The following SRPK2 variants were observed in gnomAD, a reference collection of about 807,000 sequenced individuals.
SRPK2 encodes the protein SFRS protein kinase 2.
SRPK2 carries 21 observed loss-of-function variants against 90.8 expected under a neutral mutation model. That is an observed-to-expected ratio of 0.23 (90% CI 0.16 to 0.33). The LOEUF is 0.33. Among genes scored for constraint, SRPK2 ranks in the 10% least tolerant of loss-of-function variants. The probability of loss-of-function intolerance (pLI) is 1.00; values close to 1 mark genes in which losing one functional copy is unlikely to be tolerated. For synonymous variants in SRPK2, 288 were observed against 311.1 expected, an observed-to-expected ratio of 0.93 and a Z score of 0.78; for missense variants, 620 against 869.0, an observed-to-expected ratio of 0.71 and a Z score of 3.60.
At chr7:105,324,331 C>T (rs937693464) in intron 2 of SRPK2, among the ~76,000 whole-genome samples, 3 of 146,698 alleles carry the variant, frequency 2.0e-5, no homozygotes, top group African/African-American at 5.0e-5. Flanking sequence ...TCCCTTCTTT[C>T]TTTTTTTTTG....
intron 2 of SRPK2, among the ~76,000 whole-genome samples, chr7:105,373,103 G>A (rs73188305): frequency 0.18 from 27,325 of 151,874 alleles, 3,127 homozygotes; most frequent in East Asian, 0.59. Flanking sequence ...AAAAATCTGT[G>A]GGTCCTATTG....
At chr7:105,164,890 A>C (rs1341800234) in intron 6 of SRPK2, among the ~76,000 whole-genome samples, 1 of 152,170 alleles carries the variant, frequency 6.6e-6, no homozygotes, top group Non-Finnish European at 1.5e-5. Flanking sequence ...AAAAATCTGA[A>C]AGAAGCCAGA....
At chr7:105,125,971 G>T in intron 15 of SRPK2, 1 of 702,702 alleles carries the variant, frequency 1.4e-6, no homozygotes, top group Non-Finnish European at 2.3e-6. Flanking sequence ...GACAGAAACA[G>T]AGCGCAACTT....
intron 6 of SRPK2, among the ~76,000 whole-genome samples, chr7:105,161,093 T>C (rs551927540): frequency 6.6e-6 from 1 of 152,162 alleles, no homozygotes; most frequent in South Asian, 2.1e-4. Context: ...GCTCGGCTAA[T>C]TTTTTGTAAT....
intron 2 of SRPK2, among the ~76,000 whole-genome samples, chr7:105,282,400 C>T (rs529504679): frequency 6.6e-6 from 1 of 152,146 alleles, no homozygotes; most frequent in South Asian, 2.1e-4. Flanking sequence ...TCTTCATAAC[C>T]TTAGAAGAGG....
At chr7:105,200,822 T>C (rs10216291) in intron 3 of SRPK2, among the ~76,000 whole-genome samples, 216 of 152,194 alleles carry the variant, frequency 1.4e-3, no homozygotes, top group African/African-American at 4.9e-3. Flanking sequence ...TGTTCCAAAT[T>C]AAAAGAAATT....
chr7:105,126,884 T>G, intron 14 of SRPK2, 109 bp downstream of exon 14: 2 of 1,145,136 alleles, frequency 1.7e-6, no homozygotes, highest in Non-Finnish European at 2.5e-6. Context: ...ATTTGGTGTT[T>G]GAAAACCAAA....
chr7:105,227,571 T>G (rs968077009), intron 2 of SRPK2, among the ~76,000 whole-genome samples: 3 of 152,122 alleles, frequency 2.0e-5, no homozygotes, highest in Non-Finnish European at 2.9e-5. Context: ...AGTAAAAGGA[T>G]GCTAACAAGT....
intron 2 of SRPK2, among the ~76,000 whole-genome samples, chr7:105,256,949 T>C (rs1295385135): frequency 6.6e-6 from 1 of 152,252 alleles, no homozygotes; most frequent in East Asian, 1.9e-4. Flanking sequence ...ATTAGTTATG[T>C]GCAATTCTTT....
At chr7:105,200,069 A>G (rs1795361994) in intron 3 of SRPK2, among the ~76,000 whole-genome samples, 1 of 152,188 alleles carries the variant, frequency 6.6e-6, no homozygotes, top group African/African-American at 2.4e-5. Flanking sequence ...TGGGAGGCTG[A>G]GGCAGGAGAA....
intron 2 of SRPK2, among the ~76,000 whole-genome samples, chr7:105,220,832 C>T (rs1585225931): frequency 6.6e-6 from 1 of 152,004 alleles, no homozygotes; most frequent in East Asian, 1.9e-4. Flanking sequence ...GTTTCAGAAG[C>T]CATCTTGAAT....
chr7:105,352,202 A>G (rs1313901041), intron 2 of SRPK2, among the ~76,000 whole-genome samples: 1 of 152,130 alleles, frequency 6.6e-6, no homozygotes, highest in Non-Finnish European at 1.5e-5. Context: ...AAATTACTTA[A>G]TTTGCATCTC....
intron 2 of SRPK2, among the ~76,000 whole-genome samples, chr7:105,228,117 C>T (rs1332884947): frequency 6.6e-6 from 1 of 152,170 alleles, no homozygotes; most frequent in Admixed American, 6.5e-5. Flanking sequence ...TCTTGGCTCA[C>T]TGCAACCTCC....
At chr7:105,202,102 T>G (rs1795637689) in intron 3 of SRPK2, among the ~76,000 whole-genome samples, 1 of 152,210 alleles carries the variant, frequency 6.6e-6, no homozygotes, top group South Asian at 2.1e-4. Context: ...CTAAGTAAGA[T>G]CTACACTCTT....
intron 2 of SRPK2, among the ~76,000 whole-genome samples, chr7:105,350,520 AT>A (rs1292529651): frequency 7.9e-6 from 1 of 126,902 alleles, no homozygotes. Context: ...GGTTGCTACA[AT>A]TTTTTTTCTT....
At chr7:105,256,366 T>C (rs2129633544) in intron 2 of SRPK2, among the ~76,000 whole-genome samples, 1 of 152,300 alleles carries the variant, frequency 6.6e-6, no homozygotes, top group Non-Finnish European at 1.5e-5. Flanking sequence ...CGTATGTATG[T>C]ATTTTTAGAG....
intron 3 of SRPK2, among the ~76,000 whole-genome samples, chr7:105,182,912 C>T (rs1793069103): frequency 6.6e-6 from 1 of 151,898 alleles, no homozygotes; most frequent in Admixed American, 6.6e-5. Context: ...ACTACGAAGA[C>T]AACTGTATAG....
intron 2 of SRPK2, among the ~76,000 whole-genome samples, chr7:105,256,075 T>A (rs917089238): frequency 6.6e-6 from 1 of 152,216 alleles, no homozygotes; most frequent in South Asian, 2.1e-4. Flanking sequence ...TTGGCATGCC[T>A]CAAATGTCAG....
At chr7:105,349,522 C>CAAAAAAAAAAAAAAAAAA (rs572686995) in intron 2 of SRPK2, among the ~76,000 whole-genome samples, 1 of 88,946 alleles carries the variant, frequency 1.1e-5, no homozygotes, top group African/African-American at 4.2e-5. Context: ...AACTCCATCT[C>CAAAAAAAAAAAAAAAAAA]AAAAAAAAAA....
Sources: gnomAD v4.1 joint callset for allele counts (sites outside exome capture counted in the v4.1 genomes callset) on GRCh38, gnomAD v4.1.1 for gene constraint, MANE v1.5 for transcripts, NCBI Gene and HGNC (gene_info 2026-07-23, HGNC 2026-07-21) for gene names.